Variants in EEFSEC observed in about 807,000 individuals in gnomAD.
EEFSEC encodes selenocysteine-specific elongation factor.
EEFSEC carries 43 observed loss-of-function variants against 42.1 expected under a neutral mutation model. The ratio of observed to expected loss-of-function variants is 1.02; its 90% CI spans 0.80 to 1.32. The LOEUF (loss-of-function observed/expected upper bound fraction) is 1.32, where lower values mean the gene tolerates loss of function less well. EEFSEC is among the 40% of genes most tolerant of loss of function. EEFSEC has a pLI of 0.00. For missense variants in EEFSEC, 745 were observed against 803.6 expected (o/e 0.93, Z 0.88); for synonymous variants, 354 against 339.1 (o/e 1.04, Z -0.48).
chr3:128,356,547 G>T (rs2067456905), intron 5 of EEFSEC, among the ~76,000 whole-genome samples: 1 of 152,152 alleles, frequency 6.6e-6, no homozygotes, highest in Non-Finnish European at 1.5e-5. Context: ...AGGTCCGCCT[G>T]GTGTGTGTGT....
intron 2 of EEFSEC, among the ~76,000 whole-genome samples, chr3:128,258,991 T>C (rs73197359): frequency 0.013 from 2,019 of 152,316 alleles, 21 homozygotes; most frequent in Middle Eastern, 0.044. Context: ...CACCACTCAT[T>C]AGCCTGTGGC....
chr3:128,253,889 T>C (rs1184010047), intron 2 of EEFSEC, among the ~76,000 whole-genome samples: 1 of 152,194 alleles, frequency 6.6e-6, no homozygotes, highest in East Asian at 1.9e-4. Context: ...TTTGGAGCAA[T>C]GAGTGGCCCC....
intron 2 of EEFSEC, among the ~76,000 whole-genome samples, chr3:128,258,217 C>T (rs1182705838): frequency 2.3e-4 from 35 of 152,162 alleles, no homozygotes. Flanking sequence ...TGTGCCCAGG[C>T]TGGCACTGGG....
At chr3:128,184,869 A>G (rs2065448907) in intron 1 of EEFSEC, among the ~76,000 whole-genome samples, 1 of 152,134 alleles carries the variant, frequency 6.6e-6, no homozygotes, top group South Asian at 2.1e-4. Flanking sequence ...TTACCCAGAC[A>G]TGGTAAGAAA....
intron 1 of EEFSEC, among the ~76,000 whole-genome samples, chr3:128,163,584 A>T (rs755084713): frequency 6.6e-6 from 1 of 151,936 alleles, no homozygotes; most frequent in Non-Finnish European, 1.5e-5. Context: ...ACACTAAGTG[A>T]ACACTCAGTG....
intron 4 of EEFSEC, among the ~76,000 whole-genome samples, chr3:128,318,822 A>T (rs1279614418): frequency 6.6e-6 from 1 of 151,890 alleles, no homozygotes; most frequent in Non-Finnish European, 1.5e-5. Context: ...GCAGCGGTTG[A>T]TGCCTGGCTT....
the EEFSEC span, among the ~76,000 whole-genome samples, chr3:128,423,705 A>G: frequency 6.6e-5 from 10 of 152,272 alleles, no homozygotes; most frequent in South Asian, 1.2e-3. Context: ...GCCAGTGGAG[A>G]CAGTTTCTTT....
chr3:128,418,350 G>A, the EEFSEC span, among the ~76,000 whole-genome samples: 3 of 151,806 alleles, frequency 2.0e-5, no homozygotes, highest in Non-Finnish European at 2.9e-5. Flanking sequence ...AGGACTCCAC[G>A]CACCCACCTG....
chr3:128,419,404 A>T, the EEFSEC span, among the ~76,000 whole-genome samples: 1 of 152,220 alleles, frequency 6.6e-6, no homozygotes, highest in Non-Finnish European at 1.5e-5. Context: ...AAAGTTGCAA[A>T]AGGATACGTG....
In EEFSEC at chr3:128,262,142, C is replaced by T. The variant is rs369240402; in HGVS notation, c.539C>T (p.Pro180Leu). ...TLENTKFRGAPIIPVAAKPGG... is the reference protein window; with the variant it reads ...TLENTKFRGALIIPVAAKPGG... The stretch of plus-strand genomic sequence containing the variant: ...TTCCATTTCAGGTTCCGAGGTGCAC[C>T]GATTATACCCGTGGCGGCCAAGCCG... The change falls in exon 3 of 7, where the codon CCG (proline) becomes CTG (leucine). Residue 180 changes from proline (P) to leucine (L), a missense_variant. Pro to Leu is a moderately conservative substitution (Grantham distance 98). Transcript: ENST00000254730. 51 of 1,614,042 alleles carry T rather than the reference C, an allele frequency of 3.2e-5. No individual in the cohort carries two copies. The African/African-American group carries it at 5.5e-4, about 17-fold the overall frequency.
intron 4 of EEFSEC, among the ~76,000 whole-genome samples, chr3:128,304,556 G>T (rs1002791713): frequency 1.3e-5 from 2 of 151,860 alleles, no homozygotes; most frequent in African/African-American, 4.8e-5. Context: ...AGTTTTCTAG[G>T]TATATAATTA....
At chr3:128,170,997 G>A (rs1406585979) in intron 1 of EEFSEC, among the ~76,000 whole-genome samples, 1 of 152,186 alleles carries the variant, frequency 6.6e-6, no homozygotes, top group Admixed American at 6.5e-5. Context: ...GGTAACAGAT[G>A]TGTGTCCTCC....
At chr3:128,288,899 T>C (rs2066613966) in intron 4 of EEFSEC, among the ~76,000 whole-genome samples, 2 of 152,336 alleles carry the variant, frequency 1.3e-5, no homozygotes, top group East Asian at 3.9e-4. Context: ...CAGCTCCTCA[T>C]GGGTCCGTTG....
intron 2 of EEFSEC, among the ~76,000 whole-genome samples, chr3:128,258,101 G>A (rs572645191): frequency 6.6e-6 from 1 of 152,268 alleles, no homozygotes; most frequent in Non-Finnish European, 1.5e-5. Flanking sequence ...ATTTGACAAA[G>A]CTTGTGAAGA....
chr3:128,277,885 G>A (rs1316103311), intron 4 of EEFSEC, among the ~76,000 whole-genome samples: 1 of 152,206 alleles, frequency 6.6e-6, no homozygotes, highest in East Asian at 1.9e-4. Context: ...ACTAGGAGAA[G>A]ATGAGCAAGG....
chr3:128,246,752 G>A, intron 1 of EEFSEC, 84 bp from the exon 2 acceptor site: 1 of 1,428,194 alleles, frequency 7.0e-7, no homozygotes, highest in Non-Finnish European at 9.8e-7. Flanking sequence ...TTTTACTGCA[G>A]TGCTTTGACC....
At chr3:128,170,834 C>T (rs1442848581) in intron 1 of EEFSEC, among the ~76,000 whole-genome samples, 1 of 152,144 alleles carries the variant, frequency 6.6e-6, no homozygotes, top group Non-Finnish European at 1.5e-5. Context: ...GTTATGGCAA[C>T]CAATAAAGTT....
chr3:128,418,482 C>G, the EEFSEC span, among the ~76,000 whole-genome samples: 1 of 152,004 alleles, frequency 6.6e-6, no homozygotes. Context: ...TGACCTTCCC[C>G]CATTCTGCTG....
downstream of EEFSEC, among the ~76,000 whole-genome samples, chr3:128,409,582 C>A (rs1244977112): frequency 1.3e-5 from 2 of 152,234 alleles, no homozygotes; most frequent in Non-Finnish European, 2.9e-5. Context: ...GTGGGGTTCC[C>A]AGTTCAGTCC....
Sources: gnomAD v4.1 joint callset for allele counts (sites outside exome capture counted in the v4.1 genomes callset) on GRCh38, gnomAD v4.1.1 for gene constraint, MANE v1.5 for transcripts, NCBI Gene and HGNC (gene_info 2026-07-23, HGNC 2026-07-21) for gene names.